The following KAT6B variants were observed in gnomAD, a reference collection of about 807,000 sequenced individuals.
The protein encoded by KAT6B is lysine acetyltransferase 6B.
A neutral mutation model predicts 187.5 loss-of-function variants in KAT6B; 10 were observed. The ratio of observed to expected loss-of-function variants is 0.05; its 90% CI spans 0.03 to 0.09. KAT6B has a LOEUF of 0.09. Ranked by LOEUF, KAT6B falls within the 10% of genes least tolerant of loss-of-function variation. The probability of loss-of-function intolerance (pLI) is 1.00; values close to 1 mark genes in which losing one functional copy is unlikely to be tolerated. For synonymous variants in KAT6B, 861 were observed against 926.8 expected, an observed-to-expected ratio of 0.93 and a Z score of 1.29; for missense variants, 1,952 against 2,558.9, an observed-to-expected ratio of 0.76 and a Z score of 5.12.
intron 1 of KAT6B, among the ~76,000 whole-genome samples, chr10:74,830,835 T>C (rs1391075792): frequency 7.9e-6 from 1 of 126,626 alleles, no homozygotes; most frequent in African/African-American, 2.9e-5. Context: ...TCACCCAGGC[T>C]GGAGTGCAGT....
rs1047214431 is a variant in KAT6B at position 74,959,960 on chromosome 10, T to G, written c.622-10T>G. On this transcript the variant is annotated splice_polypyrimidine_tract_variant and intron_variant, in intron 3 of 17. Transcript: ENST00000287239. ...AAGTGACAGTATTTTTTATTTTAAT[T>G]TTGTCATAGCCCCGTGCTGATCCCA... 1.0e-5 allele frequency: 16 copies of G among 1,560,906 alleles called. No homozygotes were observed. Among genetic ancestry groups the G allele is most frequent in the Non-Finnish European group, 1.3e-5 (15 of 1,131,950 alleles).
intron 3 of KAT6B, among the ~76,000 whole-genome samples, chr10:74,886,269 T>C (rs1845258997): frequency 6.6e-6 from 1 of 152,206 alleles, no homozygotes; most frequent in Admixed American, 6.5e-5. Flanking sequence ...TGCCCTGCGA[T>C]GTTCTGCTGA....
At chr10:75,013,643 A>C (rs1844773500) in intron 13 of KAT6B, among the ~76,000 whole-genome samples, 1 of 152,232 alleles carries the variant, frequency 6.6e-6, no homozygotes, top group Non-Finnish European at 1.5e-5. Flanking sequence ...TGATTCATTC[A>C]GTATGTTGAA....
Position 75,030,438 on chromosome 10 carries a change from C to T in KAT6B, c.5614C>T (p.Pro1872Ser). ...SQSPHSVPGG[P>S]QAQATMTPPP... ...GTCTCCACACTCCGTCCCTGGGGGA[C>T]CCCAAGCACAAGCTACCATGACCCC... Residue 1872 changes from proline (P) to serine (S), a missense_variant, in exon 18 of 18, where the codon CCC becomes TCC. Physicochemically the swap from Pro to Ser is moderately conservative, Grantham distance 74. Transcript: ENST00000287239. The surrounding 1 kb of genome is among the most constrained non-coding windows in gnomAD (Gnocchi z 4.8). The T allele has an allele frequency of 6.2e-7, 1 of 1,614,180 alleles. No individual in the cohort carries two copies. The highest frequency in any genetic ancestry group is 8.5e-7 in the Non-Finnish European group (1 of 1,180,012).
chr10:74,937,856 T>C lies in KAT6B; in HGVS notation c.622-22114T>C, dbSNP rs564921816. On this transcript the variant is annotated intron_variant, in intron 3 of 17. Coordinates refer to ENST00000287239, the MANE Select transcript of KAT6B (RefSeq NM_012330.4). ...TGATAACTACTACTAACTACTGCAA[T>C]TGCTGTCACCAGCAACCACTACAAT... 4.6e-5 allele frequency among the ~76,000 whole-genome samples: 7 copies of C among 152,368 alleles called. 1 individual carries two copies.
intron 3 of KAT6B, among the ~76,000 whole-genome samples, chr10:74,852,816 A>G (rs905667563): frequency 2.0e-5 from 3 of 152,182 alleles, no homozygotes; most frequent in African/African-American, 4.8e-5. Flanking sequence ...CCTTTACTGT[A>G]TGTAACACAT....
chr10:74,955,193 A>G (rs889621985), intron 3 of KAT6B, among the ~76,000 whole-genome samples: 5 of 152,170 alleles, frequency 3.3e-5, no homozygotes, highest in Non-Finnish European at 7.3e-5. Flanking sequence ...GAATCATTCT[A>G]TTGTCTAGGG....
rs72803425 is a variant in KAT6B, at chr10:74,913,727, G to A, written c.622-46243G>A. Among the ~76,000 whole-genome samples, 449 of 152,326 alleles carry A rather than the reference G, an allele frequency of 2.9e-3. 3 individuals carry two copies. The highest frequency in any genetic ancestry group is 4.5e-3 in the Non-Finnish European group (309 of 68,032). ...GGGGAAAGAAAACTTGTGTGCCCAC[G>A]GTCCACTAACAGATAAGCTTCTGGA... On this transcript the variant is annotated intron_variant, in intron 3 of 17. Transcript: ENST00000287239.
At position 75,007,080 on chromosome 10, in the gene KAT6B, A is replaced by G. The variant is rs966513227; in HGVS notation, c.2630-13502A>G. 5.9e-5 allele frequency among the ~76,000 whole-genome samples: 9 copies of G among 151,914 alleles called. 1 individual carries two copies. The highest frequency in any genetic ancestry group is 2.6e-4 in the Admixed American group (4 of 15,266). ...GAGACTCCATCTCAAAAAAAAAAAA[A>G]AAAGAAAAGAAAATGACAGAATTAA... On this transcript the variant is annotated intron_variant, in intron 13 of 17. Transcript: ENST00000287239.
intron 3 of KAT6B, among the ~76,000 whole-genome samples, chr10:74,848,382 A>G (rs777002577): frequency 1.4e-4 from 21 of 152,228 alleles, no homozygotes; most frequent in Non-Finnish European, 2.4e-4. Context: ...GCACACGCCT[A>G]TAATCCCAGC....
intron 3 of KAT6B, among the ~76,000 whole-genome samples, chr10:74,910,143 AAAAT>A (rs1564557493): frequency 1.4e-5 from 2 of 139,240 alleles, no homozygotes. Context: ...AAAAAAAAAA[AAAAT>A]ATTAGCCAGG....
chr10:74,933,638 G>A (rs1474030716), intron 3 of KAT6B, among the ~76,000 whole-genome samples: 1 of 152,166 alleles, frequency 6.6e-6, no homozygotes, highest in Non-Finnish European at 1.5e-5. Context: ...TGATCTGGCC[G>A]TTAAGAAAAC....
intron 3 of KAT6B, among the ~76,000 whole-genome samples, chr10:74,944,903 AATACC>A (rs1850006004): frequency 6.6e-6 from 1 of 152,088 alleles, no homozygotes; most frequent in Admixed American, 6.5e-5. Flanking sequence ...AAACACTGAT[AATACC>A]ATACCAAGTG....
chr10:74,928,200 TTGAC>T (rs1411584501), intron 3 of KAT6B, among the ~76,000 whole-genome samples: 8 of 152,248 alleles, frequency 5.3e-5, no homozygotes, highest in Admixed American at 5.2e-4. Context: ...TATCCATTGT[TTGAC>T]TGTGCCAGAA....
chr10:74,852,489 T>C (rs1842536864), intron 3 of KAT6B, among the ~76,000 whole-genome samples: 1 of 152,206 alleles, frequency 6.6e-6, no homozygotes, highest in Admixed American at 6.5e-5. Context: ...AATAGCAGTG[T>C]CTGAGGACTG....
chr10:74,960,554 T>TA (rs35201520), intron 4 of KAT6B, among the ~76,000 whole-genome samples: 19,654 of 142,414 alleles, frequency 0.14, 1,983 homozygotes, highest in South Asian at 0.28. Context: ...TAGTAATCTC[T>TA]AAAAAAAAAA....
chr10:74,993,662 T>G (rs1447293772), intron 13 of KAT6B, among the ~76,000 whole-genome samples: 2 of 152,226 alleles, frequency 1.3e-5, no homozygotes, highest in South Asian at 2.1e-4. Context: ...TGTAATTATG[T>G]CCCTGGGGCC....
intron 3 of KAT6B, among the ~76,000 whole-genome samples, chr10:74,953,605 G>GT (rs1051048193): frequency 6.6e-6 from 1 of 152,116 alleles, no homozygotes; most frequent in Non-Finnish European, 1.5e-5. Flanking sequence ...AAAATGGTAT[G>GT]TTTTTTTAAG....
At chr10:74,833,520 T>C (rs1490108123) in intron 1 of KAT6B, among the ~76,000 whole-genome samples, 1 of 152,230 alleles carries the variant, frequency 6.6e-6, no homozygotes, top group Non-Finnish European at 1.5e-5. Context: ...ACCTAATTCA[T>C]GGGTTTCACC....
Sources: allele counts gnomAD v4.1 joint callset (sites outside exome capture counted in the v4.1 genomes callset), GRCh38; gene constraint gnomAD v4.1.1; non-coding constraint Gnocchi (gnomAD v3.1); transcripts MANE v1.5; gene names NCBI Gene and HGNC (gene_info 2026-07-23, HGNC 2026-07-21).